RP1: variants seen among roughly 807,000 people sequenced by gnomAD.
RP1 encodes the protein RP1 axonemal microtubule associated.
In RP1, 16 loss-of-function variants were observed where a neutral mutation model predicts 14.8. The observed-to-expected ratio is 1.08, with a 90% CI of 0.73 to 1.65. The LOEUF is 1.65. Among genes scored for constraint, RP1 ranks in the 40% most tolerant of loss-of-function variants. The pLI is 0.00. For synonymous variants in RP1, 876 were observed against 883.6 expected, an observed-to-expected ratio of 0.99 and a Z score of 0.15; for missense variants, 2,631 against 2,535.0, an observed-to-expected ratio of 1.04 and a Z score of -0.81.
chr8:54,642,155 CTAAA>C (rs1409730742), intron 3 of RP1, among the ~76,000 whole-genome samples: 2 of 152,112 alleles, frequency 1.3e-5, no homozygotes, highest in Non-Finnish European at 2.9e-5. Flanking sequence ...ATTAGGAACT[CTAAA>C]TATAAAATGA....
chr8:54,600,141 G>T (rs1805240958), intron 1 of RP1, among the ~76,000 whole-genome samples: 2 of 152,176 alleles, frequency 1.3e-5, no homozygotes, highest in South Asian at 4.1e-4. Flanking sequence ...GTAACTGAAT[G>T]ATGAGGGTGT....
intron 12 of RP1, among the ~76,000 whole-genome samples, chr8:54,693,223 TTGTA>T (rs1331749308): frequency 6.6e-6 from 1 of 152,214 alleles, no homozygotes; most frequent in African/African-American, 2.4e-5. Context: ...TACTGTAGCC[TTGTA>T]GTATAGTTTG....
At chr8:54,849,075 T>C (rs1811999582) in intron 25 of RP1, among the ~76,000 whole-genome samples, 1 of 152,116 alleles carries the variant, frequency 6.6e-6, no homozygotes, top group Non-Finnish European at 1.5e-5. Flanking sequence ...AGAAGTTTCA[T>C]AATGACTGAT....
At chr8:54,683,857 G>T (rs1213448432) in intron 12 of RP1, among the ~76,000 whole-genome samples, 1 of 152,144 alleles carries the variant, frequency 6.6e-6, no homozygotes, top group East Asian at 1.9e-4. Flanking sequence ...TAGTAAGAGA[G>T]GGCATCCTTA....
intron 26 of RP1, among the ~76,000 whole-genome samples, chr8:54,855,161 T>C (rs1812160813): frequency 6.6e-6 from 1 of 152,192 alleles, no homozygotes; most frequent in Non-Finnish European, 1.5e-5. Flanking sequence ...AATCATACAG[T>C]ATTTTCTTTT....
intron 12 of RP1, among the ~76,000 whole-genome samples, chr8:54,689,391 A>G (rs1255559262): frequency 3.3e-5 from 5 of 152,052 alleles, no homozygotes; most frequent in African/African-American, 7.2e-5. Flanking sequence ...GTCTCGTTAC[A>G]TTTTAAATGC....
chr8:54,601,451 T>C (rs909730043), intron 1 of RP1, among the ~76,000 whole-genome samples: 1 of 151,230 alleles, frequency 6.6e-6, no homozygotes, highest in Non-Finnish European at 1.5e-5. Context: ...AGGGATAGCA[T>C]TGGGAGATAT....
chr8:54,604,779 GT>G (rs1364265324), intron 1 of RP1, among the ~76,000 whole-genome samples: 1 of 152,200 alleles, frequency 6.6e-6, no homozygotes, highest in East Asian at 1.9e-4. Context: ...GGGTGTATGT[GT>G]TGCGGAATTT....
At chr8:54,797,544 C>CACACAG in intron 24 of RP1, among the ~76,000 whole-genome samples, 1 of 151,808 alleles carries the variant, frequency 6.6e-6, no homozygotes, top group Admixed American at 6.6e-5. Flanking sequence ...CACACACACA[C>CACACAG]ACACACACAC....
At chr8:54,604,311 G>A (rs60860182) in intron 1 of RP1, among the ~76,000 whole-genome samples, 4,065 of 152,050 alleles carry the variant, frequency 0.027, 183 homozygotes, top group African/African-American at 0.089. Context: ...GGTTTTTGTC[G>A]TTGGTTCTGT....
intron 12 of RP1, among the ~76,000 whole-genome samples, chr8:54,680,562 C>T (rs1043373558): frequency 6.6e-6 from 1 of 152,136 alleles, no homozygotes; most frequent in Admixed American, 6.5e-5. Context: ...TGTTCAGTCT[C>T]GAGGATGTGC....
intron 15 of RP1, among the ~76,000 whole-genome samples, chr8:54,719,001 G>C (rs532888306): frequency 6.6e-6 from 1 of 152,226 alleles, no homozygotes; most frequent in Non-Finnish European, 1.5e-5. Flanking sequence ...ACATCATTTA[G>C]GAGGTTTGGG....
chr8:54,707,710 A>G (rs1319295049), intron 15 of RP1, among the ~76,000 whole-genome samples: 1 of 152,160 alleles, frequency 6.6e-6, no homozygotes, highest in African/African-American at 2.4e-5. Context: ...GAGGACTTTG[A>G]CCTTTCATGG....
In RP1 at chr8:54,630,306, T is replaced by C. The variant is rs2129318727; in HGVS notation, c.6424T>C (p.Leu2142=). 1 of 1,613,756 alleles carries C rather than the reference T, an allele frequency of 6.2e-7. No homozygotes were observed. The highest frequency in any genetic ancestry group is 8.5e-7 in the Non-Finnish European group (1 of 1,179,808). ...TTTCATTTGGGAAGAGGAAGACATATTAAATTTAACTGATCTTGAAAGCAG... is the reference window on the plus strand; with the variant it reads ...TTTCATTTGGGAAGAGGAAGACATACTAAATTTAACTGATCTTGAAAGCAG... ...NLFIWEEEDI[L]NLTDLESSRE... Residue 2142 remains leucine, a synonymous_variant, in exon 4 of 4, where the codon TTA becomes CTA. Coordinates refer to ENST00000220676, the MANE Select transcript of RP1 (RefSeq NM_006269.2).
At position 54,618,719 on chromosome 8, in the gene RP1, G is replaced by A. The variant is rs190835107; in HGVS notation, c.-12-2236G>A. Among the ~76,000 whole-genome samples the A allele has an allele frequency of 5.6e-3, 845 of 152,106 alleles. 4 individuals carry two copies. The highest frequency in any genetic ancestry group is 9.3e-3 in the Non-Finnish European group (631 of 67,994). Reference sequence around the variant, plus strand: ...CATCCAGGCTGGGGTGCAGTGGTGCGATCTCAGCTCACTGCAACATCTGCC... The same window carrying A: ...CATCCAGGCTGGGGTGCAGTGGTGCAATCTCAGCTCACTGCAACATCTGCC... On this transcript the variant is annotated intron_variant, in intron 1 of 3. Transcript: ENST00000220676.
chr8:54,744,112 TAACATTCTATG>T (rs1460581370), intron 19 of RP1, among the ~76,000 whole-genome samples: 5 of 152,228 alleles, frequency 3.3e-5, no homozygotes, highest in Non-Finnish European at 7.3e-5. Context: ...TAAAATCTAT[TAACATTCTATG>T]AAAGGAATAT....
intron 14 of RP1, among the ~76,000 whole-genome samples, chr8:54,702,571 G>A (rs188317241): frequency 5.3e-5 from 8 of 152,124 alleles, no homozygotes; most frequent in Admixed American, 1.3e-4. Flanking sequence ...GTCTTGCCTC[G>A]ATATTGACAG....
At chr8:54,725,025 C>G (rs144498436) in intron 16 of RP1, among the ~76,000 whole-genome samples, 1 of 152,138 alleles carries the variant, frequency 6.6e-6, no homozygotes, top group Non-Finnish European at 1.5e-5. Context: ...TCAGTTAAAG[C>G]GCTCATCAGT....
chr8:54,857,169 C>T (rs1273079437), intron 27 of RP1: 2 of 591,796 alleles, frequency 3.4e-6, no homozygotes, highest in Non-Finnish European at 4.9e-6. Flanking sequence ...GTATAAGAAG[C>T]AGGTGAAAGA....
Sources: gnomAD v4.1 joint callset for allele counts (sites outside exome capture counted in the v4.1 genomes callset) on GRCh38, gnomAD v4.1.1 for gene constraint, MANE v1.5 for transcripts, NCBI Gene and HGNC (gene_info 2026-07-23, HGNC 2026-07-21) for gene names.